The following JAKMIP2 variants were observed in gnomAD, a reference collection of about 807,000 sequenced individuals.
The protein encoded by JAKMIP2 is janus kinase and microtubule-interacting protein 2.
In JAKMIP2, 25 loss-of-function variants were observed where a neutral mutation model predicts 115.0. The observed-to-expected ratio is 0.22, with a 90% CI of 0.16 to 0.30. The LOEUF is 0.30. Among genes scored for constraint, JAKMIP2 ranks in the 10% least tolerant of loss-of-function variants. JAKMIP2 has a pLI of 1.00. For synonymous variants in JAKMIP2, 334 were observed against 343.6 expected, an observed-to-expected ratio of 0.97 and a Z score of 0.31; for missense variants, 642 against 957.6, an observed-to-expected ratio of 0.67 and a Z score of 4.35.
chr5:147,612,513 C>T (rs549065433), intron 19 of JAKMIP2, 142 bp from the exon 20 acceptor site: 3 of 564,242 alleles, frequency 5.3e-6, no homozygotes, highest in African/African-American at 1.9e-5. Context: ...TGTATGTTTT[C>T]CCCACCCAAA....
At chr5:147,702,687 A>G (rs1752421096) in intron 1 of JAKMIP2, among the ~76,000 whole-genome samples, 1 of 140,294 alleles carries the variant, frequency 7.1e-6, no homozygotes, top group African/African-American at 2.9e-5. Context: ...AGAGAAAGAA[A>G]GAAAAGAAAA....
At chr5:147,694,067 G>A (rs1039022206) in intron 1 of JAKMIP2, among the ~76,000 whole-genome samples, 50 of 152,238 alleles carry the variant, frequency 3.3e-4, no homozygotes, top group African/African-American at 1.2e-3. Context: ...TCTCCTAAGA[G>A]AGCCAATTAA....
Position 147,626,856 on chromosome 5 carries a change from T to C in JAKMIP2, c.1995+1895A>G, listed in dbSNP as rs1334159325. 3.3e-5 allele frequency among the ~76,000 whole-genome samples: 5 copies of C among 152,206 alleles called. No homozygotes were observed. The East Asian group carries it at 9.6e-4, about 29-fold the overall frequency. On this transcript the variant is annotated intron_variant, in intron 16 of 21. Coordinates refer to ENST00000616793, the MANE Select transcript of JAKMIP2 (RefSeq NM_001270941.2). ...GCCCTAAACCCAGGCGATTTTTTCT[T>C]GCAGTAAAGAATTGCAGCCCTTCAT...
chr5:147,604,460 G>A (rs1430361852), intron 20 of JAKMIP2, among the ~76,000 whole-genome samples: 1 of 152,104 alleles, frequency 6.6e-6, no homozygotes, highest in East Asian at 1.9e-4. Flanking sequence ...TTTACTTAAG[G>A]TCAAATGAGT....
At chr5:147,695,815 T>G (rs931477761) in intron 1 of JAKMIP2, among the ~76,000 whole-genome samples, 1 of 151,988 alleles carries the variant, frequency 6.6e-6, no homozygotes, top group Non-Finnish European at 1.5e-5. Context: ...ATGTAACTGC[T>G]TGACTTAGAC....
At chr5:147,599,654 T>A (rs887804522) in intron 21 of JAKMIP2, among the ~76,000 whole-genome samples, 2 of 152,114 alleles carry the variant, frequency 1.3e-5, no homozygotes, top group African/African-American at 4.8e-5. Flanking sequence ...AGTAGCTAAG[T>A]AGTACTATAC....
At chr5:147,696,043 C>A (rs1752093211) in intron 1 of JAKMIP2, among the ~76,000 whole-genome samples, 1 of 152,168 alleles carries the variant, frequency 6.6e-6, no homozygotes, top group Admixed American at 6.5e-5. Context: ...CCAGCCTTAA[C>A]TTTCCTTATC....
In JAKMIP2 at chr5:147,588,819, T is replaced by C. The variant is rs960622491; in HGVS notation, c.*2888A>G. The C allele has an allele frequency of 1.3e-5, 2 of 152,068 alleles. No homozygotes were observed. The highest frequency in any genetic ancestry group is 2.9e-5 in the Non-Finnish European group (2 of 68,008). The allele number at this position is 152,068 out of a possible 1,614,324, so 9.4% of individuals were successfully genotyped here. A position where few individuals can be genotyped will look rare whatever the true frequency, so the allele number is the denominator to read the frequency against. On this transcript the variant is annotated 3_prime_UTR_variant, in exon 22 of 22. Transcript: ENST00000616793. ...AGATTAGGTATATAAACCATACCACTTTTTCAAAAATTTTCAATCATTTAG... is the reference window on the plus strand; with the variant it reads ...AGATTAGGTATATAAACCATACCACCTTTTCAAAAATTTTCAATCATTTAG...
chr5:147,725,653 T>C (rs1193227780), intron 1 of JAKMIP2, among the ~76,000 whole-genome samples: 2 of 152,058 alleles, frequency 1.3e-5, no homozygotes, highest in African/African-American at 4.8e-5. Flanking sequence ...ACAGAGAAGG[T>C]TAAAGGCCCC....
chr5:147,779,467 C>A (rs1755680251), intron 1 of JAKMIP2, among the ~76,000 whole-genome samples: 1 of 151,550 alleles, frequency 6.6e-6, no homozygotes, highest in Non-Finnish European at 1.5e-5. Context: ...TGTACAAAGA[C>A]CCCATTAAAT....
intron 1 of JAKMIP2, among the ~76,000 whole-genome samples, chr5:147,680,377 C>A (rs1760195617): frequency 1.3e-5 from 2 of 152,164 alleles, no homozygotes; most frequent in South Asian, 4.1e-4. Flanking sequence ...GGGGTCTTGG[C>A]TTTGTAGCTG....
At position 147,631,305 on chromosome 5, in the gene JAKMIP2, T is replaced by G. The variant is rs551553370; in HGVS notation, c.1875+108A>C. 84 of 614,944 alleles carry G rather than the reference T, an allele frequency of 1.4e-4. No individual in the cohort carries two copies. The African/African-American group carries it at 1.5e-3, about 11-fold the overall frequency. The allele number at this position is 614,944 out of a possible 1,614,324, so 38.1% of individuals were successfully genotyped here. ...AATTCCTACATAGTTTGTATCAAAATGATGACATCCAGTGACTGAAAGACA... is the reference window on the plus strand; with the variant it reads ...AATTCCTACATAGTTTGTATCAAAAGGATGACATCCAGTGACTGAAAGACA... On this transcript the variant is annotated intron_variant, in intron 14 of 21. Transcript: ENST00000616793.
intron 16 of JAKMIP2, among the ~76,000 whole-genome samples, 181 bp downstream of exon 16, chr5:147,628,570 G>A (rs1757214374): frequency 6.6e-6 from 1 of 152,076 alleles, no homozygotes; most frequent in African/African-American, 2.4e-5. Context: ...CCAAATCAGT[G>A]TATAGACTTT....
intron 1 of JAKMIP2, among the ~76,000 whole-genome samples, chr5:147,780,878 A>G (rs766870963): frequency 1.2e-4 from 19 of 152,230 alleles, no homozygotes; most frequent in Non-Finnish European, 2.2e-4. Context: ...GTTAGAGAAG[A>G]GAATAATGGA....
At chr5:147,651,760 C>A (rs993378387) in intron 3 of JAKMIP2, among the ~76,000 whole-genome samples, 9 of 152,176 alleles carry the variant, frequency 5.9e-5, no homozygotes, top group African/African-American at 1.9e-4. Flanking sequence ...CTAAATTCTG[C>A]ATGATCTTGT....
rs541634379 is a variant in JAKMIP2 at position 147,768,124 on chromosome 5, T to C, written c.-149+14332A>G. 5.8e-4 allele frequency among the ~76,000 whole-genome samples: 88 copies of C among 152,296 alleles called. 1 individual carries two copies. The highest frequency in any genetic ancestry group is 2.0e-3 in the African/African-American group (84 of 41,574). On this transcript the variant is annotated intron_variant, in intron 1 of 21. Transcript: ENST00000616793. ...AATTTTCATGCATTTACTGTTTTTC[T>C]TCATTCATGTGCCTTGATTGATGTT...
At chr5:147,701,835 C>G (rs1752337330) in intron 1 of JAKMIP2, among the ~76,000 whole-genome samples, 1 of 152,126 alleles carries the variant, frequency 6.6e-6, no homozygotes, top group Non-Finnish European at 1.5e-5. Flanking sequence ...TTATCAGCCT[C>G]AAAACTGTGA....
intron 1 of JAKMIP2, among the ~76,000 whole-genome samples, chr5:147,716,344 C>A (rs1752994900): frequency 7.0e-6 from 1 of 142,568 alleles, no homozygotes. Context: ...ATTTATAGTC[C>A]TTTGGGTATA....
intron 1 of JAKMIP2, among the ~76,000 whole-genome samples, chr5:147,706,425 C>G: frequency 6.6e-6 from 1 of 152,154 alleles, no homozygotes; most frequent in Non-Finnish European, 1.5e-5. Flanking sequence ...CTCAAGCAAT[C>G]TTTCTGCCCC....
Sources: gnomAD v4.1 joint callset for allele counts (sites outside exome capture counted in the v4.1 genomes callset) on GRCh38, gnomAD v4.1.1 for gene constraint, MANE v1.5 for transcripts, NCBI Gene and HGNC (gene_info 2026-07-23, HGNC 2026-07-21) for gene names.